The following TRIP12 variants were observed in gnomAD, a reference collection of about 807,000 sequenced individuals.
TRIP12 encodes thyroid hormone receptor interactor 12.
TRIP12 carries 25 observed loss-of-function variants against 244.2 expected under a neutral mutation model. That is an observed-to-expected ratio of 0.10 (90% CI 0.07 to 0.14). The LOEUF is 0.14. Ranked by LOEUF, TRIP12 falls within the 10% of genes least tolerant of loss-of-function variation. The pLI, the probability that TRIP12 is intolerant of heterozygous loss-of-function variation, is 1.00. For synonymous variants in TRIP12, 905 were observed against 873.1 expected, an observed-to-expected ratio of 1.04 and a Z score of -0.64; for missense variants, 1,677 against 2,486.4, an observed-to-expected ratio of 0.67 and a Z score of 6.92.
At chr2:229,776,504 T>C (rs2036302297) in intron 37 of TRIP12, among the ~76,000 whole-genome samples, 1 of 152,188 alleles carries the variant, frequency 6.6e-6, no homozygotes, top group Non-Finnish European at 1.5e-5. Flanking sequence ...ATAAAGTGAA[T>C]CTTACAAATC....
intron 6 of TRIP12, among the ~76,000 whole-genome samples, chr2:229,831,622 C>T (rs920341497): frequency 1.7e-4 from 26 of 152,140 alleles, no homozygotes; most frequent in African/African-American, 5.8e-4. Context: ...CAGGGCCAGA[C>T]TCTGTCTCAA....
chr2:229,783,205 CAT>C (rs1244425724), intron 34 of TRIP12, among the ~76,000 whole-genome samples: 3 of 152,232 alleles, frequency 2.0e-5, no homozygotes, highest in African/African-American at 7.2e-5. Flanking sequence ...TATTTCACAA[CAT>C]GTGAAAATCA....
At chr2:229,819,741 T>C (rs1169884312) in intron 8 of TRIP12, among the ~76,000 whole-genome samples, 2 of 152,204 alleles carry the variant, frequency 1.3e-5, no homozygotes, top group Non-Finnish European at 2.9e-5. Context: ...CCTATATCAT[T>C]GAGTACTGAA....
chr2:229,908,777 C>T (rs921835906), intron 1 of TRIP12, among the ~76,000 whole-genome samples: 11 of 150,238 alleles, frequency 7.3e-5, no homozygotes, highest in African/African-American at 2.2e-4. Flanking sequence ...GTGGCTTACG[C>T]GCCTATAATC....
chr2:229,814,359 C>A, intron 11 of TRIP12, 34 bp from the exon 12 acceptor site: 2 of 1,592,612 alleles, frequency 1.3e-6, no homozygotes, highest in Non-Finnish European at 1.7e-6. Flanking sequence ...ATAAGGTTAT[C>A]ATTTAAGTTC....
rs769053387 is a variant in TRIP12, at chr2:229,792,192, G to A, written c.4176C>T (p.Ser1392=). The A allele has an allele frequency of 2.0e-5, 33 of 1,613,678 alleles. No homozygotes were observed. Among genetic ancestry groups the A allele is most frequent in the Non-Finnish European group, 2.5e-5 (29 of 1,179,914 alleles). ...YGRVREDDED[S]DDDGSDEEID... ...TTTCCTCATCTGATCCATCGTCATC[G>A]CTGTCTTCATCATCTTCTCTTACTC... Residue 1392 remains serine (S), a synonymous_variant, in exon 28 of 42, where the codon AGC becomes AGT. Transcript: ENST00000675903.
intron 2 of TRIP12, among the ~76,000 whole-genome samples, chr2:229,869,365 C>T (rs475525): frequency 0.18 from 27,504 of 152,106 alleles, 2,728 homozygotes; most frequent in East Asian, 0.28. Context: ...ACACAATACA[C>T]GCAACTTCGA....
At chr2:229,811,071 T>C (rs1224299049) in intron 14 of TRIP12, 26 bp from the exon 15 acceptor site, 1 of 1,613,650 alleles carries the variant, frequency 6.2e-7, no homozygotes, top group Non-Finnish European at 8.5e-7. Context: ...AATAAAGGAA[T>C]TATTACATCA....
Position 229,859,520 on chromosome 2 carries a change from T to C in TRIP12, c.279A>G (p.Arg93=). 2 of 1,614,210 alleles carry C rather than the reference T, an allele frequency of 1.2e-6. No individual in the cohort carries two copies. Among genetic ancestry groups the C allele is most frequent in the Non-Finnish European group, 1.7e-6 (2 of 1,180,044 alleles). ...VIVPQPEDPD[R]ANTSERQKTG... ...TTTTTTGTCTTTCTGAAGTATTGGC[T>C]CTGTCTGGATCCTCTGGTTGTGGAA... The change falls in exon 4 of 42, where the codon AGA becomes AGG. Residue 93 remains arginine, a synonymous_variant. Transcript: ENST00000675903.
upstream of TRIP12, chr2:229,922,274 C>CCCCCT: frequency 1.9e-6 from 1 of 538,612 alleles, no homozygotes; most frequent in Non-Finnish European, 3.3e-6. Flanking sequence ...GCCGGGGTCA[C>CCCCCT]CCCCTCCCCT....
intron 1 of TRIP12, among the ~76,000 whole-genome samples, chr2:229,892,723 G>A (rs1028044713): frequency 1.3e-5 from 2 of 151,976 alleles, no homozygotes; most frequent in Non-Finnish European, 2.9e-5. Context: ...AAAATTAGCC[G>A]GGCATGGTAG....
rs963179286 is a variant in TRIP12, at chr2:229,766,298, T to C, written c.*1256A>G. 3.9e-5 allele frequency: 6 copies of C among 152,204 alleles called. No homozygotes were observed. Among genetic ancestry groups the C allele is most frequent in the African/African-American group, 1.4e-4 (6 of 41,454 alleles). 9.4% of individuals were successfully genotyped at this position (152,204 alleles called of 1,614,324 possible). A position where few individuals can be genotyped will look rare whatever the true frequency, so the allele number is the denominator to read the frequency against. On this transcript the variant is annotated 3_prime_UTR_variant, in exon 42 of 42. Coordinates refer to ENST00000675903, the MANE Select transcript of TRIP12 (RefSeq NM_001348323.3). ...GCAAAATCAGCCATGACCCGAATCA[T>C]GGAGATATGTGGATTTCCTTGCATT...
intron 2 of TRIP12, among the ~76,000 whole-genome samples, chr2:229,875,459 A>G (rs1324895322): frequency 6.6e-6 from 1 of 152,210 alleles, no homozygotes; most frequent in Non-Finnish European, 1.5e-5. Flanking sequence ...CTTAAATTCA[A>G]AACTAAAGTT....
chr2:229,865,345 A>AAAAAC (rs2061348469), intron 2 of TRIP12, among the ~76,000 whole-genome samples: 1 of 24,770 alleles, frequency 4.0e-5, no homozygotes, highest in Non-Finnish European at 7.5e-5. Context: ...AAAAAAAAAG[A>AAAAAC]AAGAAAGAAA....
chr2:229,778,729 G>T lies in TRIP12; in HGVS notation c.5210-142C>A. Reference sequence around the variant, plus strand: ...AATGAAGTCCTCTAGAACTGGACAGGCCTTCCCTATTTGATAAATGAGAAA... The same window carrying T: ...AATGAAGTCCTCTAGAACTGGACAGTCCTTCCCTATTTGATAAATGAGAAA... On this transcript the variant is annotated intron_variant, in intron 35 of 41. Transcript: ENST00000675903. This position sits in a 1 kb window ranked among gnomAD's most constrained non-coding sequence, Gnocchi z 4.1. 7.5e-7 allele frequency: 1 copy of T among 1,341,024 alleles called. No homozygotes were observed. The highest frequency in any genetic ancestry group is 1.0e-6 in the Non-Finnish European group (1 of 971,766). 83.1% of individuals were successfully genotyped at this position (1,341,024 alleles called of 1,614,324 possible). A position where few individuals can be genotyped will look rare whatever the true frequency, so the allele number is the denominator to read the frequency against.
chr2:229,881,604 A>G (rs1194807564), intron 1 of TRIP12, among the ~76,000 whole-genome samples: 5 of 152,258 alleles, frequency 3.3e-5, no homozygotes, highest in Non-Finnish European at 7.3e-5. Context: ...CCAAATTAAT[A>G]TAATAAACTT....
Position 229,785,799 on chromosome 2 carries a change from G to A in TRIP12, c.5052C>T (p.Leu1684=), listed in dbSNP as rs752690436. 46 of 1,613,618 alleles carry A rather than the reference G, an allele frequency of 2.9e-5. 1 individual carries two copies. The highest frequency in any genetic ancestry group is 1.8e-4 in the East Asian group (8 of 44,874). The part of the protein sequence containing the change: ...LKQAESVMQD[L]GSSRAMLEIQ... ...TTTCTAACATGGCCCGTGAGCTGCC[G>A]AGGTCCTGCATCACAGACTCCGCCT... Residue 1684 remains leucine (L), a synonymous_variant, in exon 34 of 42, where the codon CTC becomes CTT. Transcript: ENST00000675903.
At chr2:229,861,528 T>TA (rs1190005062) in intron 2 of TRIP12, among the ~76,000 whole-genome samples, 1 of 152,032 alleles carries the variant, frequency 6.6e-6, no homozygotes, top group Non-Finnish European at 1.5e-5. Context: ...ATTTACTTGT[T>TA]AAAAAAAAGT....
intron 8 of TRIP12, among the ~76,000 whole-genome samples, 174 bp from the exon 9 acceptor site, chr2:229,818,686 T>C (rs1434300821): frequency 6.6e-6 from 1 of 152,192 alleles, no homozygotes; most frequent in African/African-American, 2.4e-5. Flanking sequence ...ATTAAATTAG[T>C]TGGATCTACT....
Sources: gnomAD v4.1 joint callset for allele counts (sites outside exome capture counted in the v4.1 genomes callset) on GRCh38, gnomAD v4.1.1 for gene constraint, Gnocchi (gnomAD v3.1) non-coding constraint, MANE v1.5 for transcripts, NCBI Gene and HGNC (gene_info 2026-07-23, HGNC 2026-07-21) for gene names.